Variants in RGS7 observed in about 807,000 individuals in gnomAD.
RGS7 encodes the protein regulator of G protein signaling 7.
A neutral mutation model predicts 81.1 loss-of-function variants in RGS7; 27 were observed. That is an observed-to-expected ratio of 0.33 (90% CI 0.25 to 0.46). The LOEUF is 0.46. RGS7 is among the 20% of genes least tolerant of loss of function. The probability of loss-of-function intolerance (pLI) is 1.00; values close to 1 mark genes in which losing one functional copy is unlikely to be tolerated. For missense variants in RGS7, 396 were observed against 607.4 expected, an observed-to-expected ratio of 0.65 and a Z score of 3.66; for synonymous variants, 208 against 207.7, an observed-to-expected ratio of 1.00 and a Z score of -0.01.
chr1:240,827,909 G>A (rs1361277409), intron 9 of RGS7, among the ~76,000 whole-genome samples: 2 of 150,044 alleles, frequency 1.3e-5, no homozygotes, highest in Non-Finnish European at 3.0e-5. Flanking sequence ...TTAGATGGGT[G>A]CCTTGCTTTT....
chr1:241,029,668 G>A (rs1427434484), intron 3 of RGS7, among the ~76,000 whole-genome samples: 1 of 152,140 alleles, frequency 6.6e-6, no homozygotes, highest in African/African-American at 2.4e-5. Flanking sequence ...TCAGCATGCC[G>A]ATCTATTTAC....
At chr1:241,150,858 A>G (rs1427837872) in intron 2 of RGS7, among the ~76,000 whole-genome samples, 1 of 143,684 alleles carries the variant, frequency 7.0e-6, no homozygotes, top group Non-Finnish European at 1.5e-5. Flanking sequence ...GAATCAAGGA[A>G]GTTAATGGTG....
chr1:241,019,269 A>G (rs2059423267), intron 3 of RGS7, among the ~76,000 whole-genome samples: 2 of 152,030 alleles, frequency 1.3e-5, no homozygotes, highest in Admixed American at 1.3e-4. Context: ...CCAAGTAAAC[A>G]ATTCTTTCTG....
chr1:241,294,845 C>T (rs1573544415), intron 2 of RGS7, among the ~76,000 whole-genome samples: 1 of 151,338 alleles, frequency 6.6e-6, no homozygotes, highest in East Asian at 2.0e-4. Flanking sequence ...ACCATAAAGT[C>T]CAGGTGTGTA....
At chr1:241,102,247 A>T (rs1008544466) in intron 2 of RGS7, among the ~76,000 whole-genome samples, 2 of 151,784 alleles carry the variant, frequency 1.3e-5, no homozygotes, top group African/African-American at 2.4e-5. Context: ...CATAAAAAAA[A>T]CCCCTGCTTT....
chr1:241,000,879 ACTCCTGAC>A (rs1688049302), intron 3 of RGS7, among the ~76,000 whole-genome samples: 1 of 148,674 alleles, frequency 6.7e-6, no homozygotes, highest in Admixed American at 6.8e-5. Context: ...CTGGTCTCGA[ACTCCTGAC>A]CTCAGGTGAT....
intron 3 of RGS7, among the ~76,000 whole-genome samples, chr1:241,094,791 GC>G (rs1207904899): frequency 1.3e-5 from 2 of 152,160 alleles, no homozygotes; most frequent in Non-Finnish European, 2.9e-5. Context: ...TTGGATTATA[GC>G]ATCACTTTCT....
intron 2 of RGS7, among the ~76,000 whole-genome samples, chr1:241,106,914 A>C (rs959861532): frequency 6.6e-6 from 1 of 151,496 alleles, no homozygotes; most frequent in African/African-American, 2.4e-5. Context: ...TTTTTAAATA[A>C]ATCATTTCTC....
intron 9 of RGS7, among the ~76,000 whole-genome samples, chr1:240,830,718 A>G (rs1693691607): frequency 6.6e-6 from 1 of 152,208 alleles, no homozygotes; most frequent in African/African-American, 2.4e-5. Context: ...CATCTGAGGA[A>G]GCTGAACTAA....
chr1:241,091,242 C>T (rs2492991), intron 3 of RGS7, among the ~76,000 whole-genome samples: 36,234 of 152,042 alleles, frequency 0.24, 5,764 homozygotes, highest in African/African-American at 0.45. Context: ...AGAAAAAAAA[C>T]AGATGTCATC....
chr1:241,349,774 C>T (rs1310101166), intron 2 of RGS7, among the ~76,000 whole-genome samples: 1 of 152,128 alleles, frequency 6.6e-6, no homozygotes, highest in African/African-American at 2.4e-5. Context: ...AAGCAAGGGC[C>T]AATTATTTGT....
rs527285754 is a variant in RGS7 at position 240,809,678 on chromosome 1, T to C, written c.1082+2240A>G. ...GTTGTTTTGGTGGTTGGATGTGTGA[T>C]GATCAGAAATAATGAATGCAAAATA... On this transcript the variant is annotated intron_variant, in intron 14 of 18. Transcript: ENST00000440928. Among the ~76,000 whole-genome samples, 4 of 152,344 alleles carry C rather than the reference T, an allele frequency of 2.6e-5. No homozygotes were observed. In the South Asian group the frequency reaches 6.2e-4, roughly 24 times the overall value.
At chr1:240,813,484 G>A in intron 13 of RGS7, 134 bp downstream of exon 13, 1 of 689,204 alleles carries the variant, frequency 1.5e-6, no homozygotes, top group East Asian at 2.8e-5. Flanking sequence ...TCTCGAACAA[G>A]AATGTTAGAT....
intron 2 of RGS7, among the ~76,000 whole-genome samples, chr1:241,178,576 AG>A (rs2071350189): frequency 6.6e-6 from 1 of 152,214 alleles, no homozygotes; most frequent in African/African-American, 2.4e-5. Context: ...ACAAGAACAC[AG>A]AAGCCAAGAA....
chr1:241,008,209 TA>T (rs1219152658), intron 3 of RGS7, among the ~76,000 whole-genome samples: 1 of 151,304 alleles, frequency 6.6e-6, no homozygotes, highest in Non-Finnish European at 1.5e-5. Flanking sequence ...GCCAAAAATC[TA>T]AAAAAAAATT....
intron 3 of RGS7, chr1:240,998,547 C>T (rs886340724): frequency 1.2e-5 from 10 of 865,492 alleles, no homozygotes; most frequent in South Asian, 8.0e-5. Context: ...GCAGCAGAGG[C>T]GGGCAGAAGC....
At chr1:241,298,204 C>CAAAT (rs60466384) in intron 2 of RGS7, among the ~76,000 whole-genome samples, 3,664 of 152,186 alleles carry the variant, frequency 0.024, 155 homozygotes, top group African/African-American at 0.084. Flanking sequence ...AGAAGAATCA[C>CAAAT]AACGCCCAAC....
intron 3 of RGS7, among the ~76,000 whole-genome samples, chr1:241,019,133 T>C (rs539524428): frequency 5.5e-4 from 83 of 152,258 alleles, no homozygotes; most frequent in African/African-American, 2.0e-3. Context: ...CTCACTCTAA[T>C]GCTGGTCTGC....
At chr1:241,250,300 A>G (rs1377591620) in intron 2 of RGS7, among the ~76,000 whole-genome samples, 1 of 152,202 alleles carries the variant, frequency 6.6e-6, no homozygotes, top group African/African-American at 2.4e-5. Context: ...GGGAGGAATC[A>G]GAGTAAACTT....
Sources: gnomAD v4.1 joint callset for allele counts (sites outside exome capture counted in the v4.1 genomes callset) on GRCh38, gnomAD v4.1.1 for gene constraint, MANE v1.5 for transcripts, NCBI Gene and HGNC (gene_info 2026-07-23, HGNC 2026-07-21) for gene names.